The following UTP14A variants were observed in gnomAD, a reference collection of about 807,000 sequenced individuals.
The protein encoded by UTP14A is UTP14A small subunit processome component.
A neutral mutation model predicts 57.2 loss-of-function variants in UTP14A; 5 were observed. That is an observed-to-expected ratio of 0.09 (90% CI 0.05 to 0.18). The LOEUF (loss-of-function observed/expected upper bound fraction) is 0.18. UTP14A is among the 10% of genes least tolerant of loss of function. The pLI, the probability that UTP14A is intolerant of heterozygous loss-of-function variation, is 1.00. For missense variants in UTP14A, 430 were observed against 562.1 expected (o/e 0.76, Z 2.38); for synonymous variants, 169 against 210.9 (o/e 0.80, Z 1.72).
intron 14 of UTP14A, among the ~76,000 whole-genome samples, chrX:129,926,884 T>C (rs2124224281): frequency 8.9e-6 from 1 of 112,128 alleles, no homozygotes; most frequent in South Asian, 3.7e-4. Context: ...AGCCAGTATA[T>C]TGAAATGAGT....
chrX:129,919,389 T>C lies in UTP14A; in HGVS notation c.658-6T>C. On this transcript the variant is annotated splice_polypyrimidine_tract_variant and splice_region_variant and intron_variant, in intron 7 of 14. Coordinates refer to ENST00000394422, the MANE Select transcript of UTP14A (RefSeq NM_006649.4). ...CAGGTGTCACTGTAAGTCTCATTTG[T>C]TGTAGGCAAAGATGCGACGAGCAGA... The C allele has an allele frequency of 2.5e-6, 3 of 1,211,924 alleles. No individual in the cohort carries two copies. The highest frequency in any genetic ancestry group is 3.3e-6 in the Non-Finnish European group (3 of 895,545).
chrX:129,907,937 CAG>C lies in UTP14A; in HGVS notation c.103-120_103-119del, dbSNP rs1929314587. On this transcript the variant is annotated intron_variant, in intron 2 of 14. Coordinates refer to ENST00000394422, the MANE Select transcript of UTP14A (RefSeq NM_006649.4). ...CACCACTGCACTCCATCCTGGGCAA[CAG>C]AGCGAGACGCCGTCTCAAAAATAAA... 5 of 612,450 alleles carry C rather than the reference CAG, an allele frequency of 8.2e-6. No homozygotes were observed. The Admixed American group carries it at 1.7e-4, about 20-fold the overall frequency. The allele number at this position is 612,450 out of a possible 1,213,427, so 50.5% of individuals were successfully genotyped here.
intron 6 of UTP14A, among the ~76,000 whole-genome samples, chrX:129,914,345 G>C (rs753214196): frequency 9.0e-6 from 1 of 111,575 alleles, no homozygotes; most frequent in South Asian, 3.7e-4. Flanking sequence ...GGGAGGCTGA[G>C]GCAGGTGGAT....
At chrX:129,919,636 C>T in intron 8 of UTP14A, 147 bp downstream of exon 8, 1 of 631,568 alleles carries the variant, frequency 1.6e-6, no homozygotes, top group South Asian at 3.1e-5. Context: ...TTTGTTCCCC[C>T]CAAACCAACC....
At chrX:129,927,123 G>A (rs1035227450) in intron 14 of UTP14A, among the ~76,000 whole-genome samples, 1 of 111,076 alleles carries the variant, frequency 9.0e-6, no homozygotes, top group Non-Finnish European at 1.9e-5. Context: ...CCAGGTGATG[G>A]GTAGAGTATG....
chrX:129,908,643 C>G lies in UTP14A; in HGVS notation c.174-27C>G, dbSNP rs757548026. On this transcript the variant is annotated intron_variant, in intron 3 of 14. Coordinates refer to ENST00000394422, the MANE Select transcript of UTP14A (RefSeq NM_006649.4). ...AAGCCCCCATAAAATTTATTCATTCCTATTATATCGTTTTGCCTAATTTCA... is the reference window on the plus strand; with the variant it reads ...AAGCCCCCATAAAATTTATTCATTCGTATTATATCGTTTTGCCTAATTTCA... 10 of 1,198,510 alleles carry G rather than the reference C, an allele frequency of 8.3e-6. No individual in the cohort carries two copies. The Admixed American group carries it at 2.0e-4, about 23-fold the overall frequency.
chrX:129,921,628 G>C, intron 11 of UTP14A, 41 bp downstream of exon 11: 1 of 1,173,053 alleles, frequency 8.5e-7, no homozygotes, highest in South Asian at 2.0e-5. Context: ...TCCTAGTGCT[G>C]TGGACAGACT....
intron 8 of UTP14A, 141 bp from the exon 9 acceptor site, chrX:129,920,316 A>T (rs1929859837): frequency 1.2e-6 from 1 of 858,445 alleles, no homozygotes; most frequent in East Asian, 3.1e-5. Context: ...CAGGTCCCAA[A>T]CTGACTCCCT....
chrX:129,928,113 G>T (rs1930170555), intron 14 of UTP14A, among the ~76,000 whole-genome samples: 1 of 109,620 alleles, frequency 9.1e-6, no homozygotes. Flanking sequence ...GGGCATGGTG[G>T]TTCACACCTG....
intron 14 of UTP14A, among the ~76,000 whole-genome samples, chrX:129,927,333 G>C (rs1930142543): frequency 9.0e-6 from 1 of 111,563 alleles, no homozygotes; most frequent in African/African-American, 3.3e-5. Flanking sequence ...CTTTGTCCAG[G>C]TGTTCTCTTT....
intron 3 of UTP14A, chrX:129,908,383 C>T: frequency 2.5e-6 from 1 of 407,930 alleles, no homozygotes; most frequent in Non-Finnish European, 4.2e-6. Context: ...AATAAATTTA[C>T]TTACCCCCAA....
At position 129,928,483 on chromosome X, in the gene UTP14A, C is replaced by T. The variant is rs371460327; in HGVS notation, c.2044-853C>T. The stretch of plus-strand genomic sequence containing the variant: ...TTAAAACATCAATCCTGGCCAGGCG[C>T]GGTGGCTCACGCCTGTAATCCCAGC... On this transcript the variant is annotated intron_variant, in intron 14 of 14. Transcript: ENST00000394422. Among the ~76,000 whole-genome samples the T allele has an allele frequency of 7.3e-4, 74 of 101,843 alleles. No individual in the cohort carries two copies. The East Asian group carries it at 0.021, about 29-fold the overall frequency. The allele number at this position is 101,843 out of a possible 115,157, so 88.4% of individuals were successfully genotyped here.
intron 4 of UTP14A, 86 bp from the exon 5 acceptor site, chrX:129,910,922 G>C: frequency 2.7e-6 from 3 of 1,113,287 alleles, no homozygotes; most frequent in Non-Finnish European, 2.4e-6. Context: ...CCATCTACTG[G>C]CATTTTCTAC....
intron 6 of UTP14A, among the ~76,000 whole-genome samples, chrX:129,915,210 G>A (rs927235773): frequency 9.3e-5 from 10 of 107,972 alleles, no homozygotes; most frequent in African/African-American, 3.4e-4. Context: ...GTGAGACTCT[G>A]TCTCAAAAAT....
chrX:129,920,346 A>G, intron 8 of UTP14A, 111 bp from the exon 9 acceptor site: 1 of 1,073,427 alleles, frequency 9.3e-7, no homozygotes, highest in Non-Finnish European at 1.3e-6. Context: ...TAGCTCTATG[A>G]TGCCCATTCC....
chrX:129,909,874 A>G lies in UTP14A; in HGVS notation c.239-1134A>G, dbSNP rs111244642. Among the ~76,000 whole-genome samples, 761 of 112,251 alleles carry G rather than the reference A, an allele frequency of 6.8e-3. 7 individuals carry two copies. The highest frequency in any genetic ancestry group is 0.049 in the East Asian group (175 of 3,580). On this transcript the variant is annotated intron_variant, in intron 4 of 14. Coordinates refer to ENST00000394422, the MANE Select transcript of UTP14A (RefSeq NM_006649.4). ...CTAGGGCAAATAACAATGTATTCCA[A>G]GCGTACTTATTCAGTGGATATTTAT...
In UTP14A at chrX:129,926,491, AT is replaced by A. The variant is rs1265695854; in HGVS notation, c.2043+153del. The A allele has an allele frequency of 3.0e-4, 158 of 519,428 alleles. No homozygotes were observed. In the East Asian group the frequency reaches 5.7e-3, roughly 19 times the overall value. 42.8% of individuals were successfully genotyped at this position (519,428 alleles called of 1,213,427 possible). A position where few individuals can be genotyped will look rare whatever the true frequency, so the allele number is the denominator to read the frequency against. On this transcript the variant is annotated intron_variant, in intron 14 of 14. Coordinates refer to ENST00000394422, the MANE Select transcript of UTP14A (RefSeq NM_006649.4). The stretch of plus-strand genomic sequence containing the variant: ...TTTTCACTGAATGGCTGTTAGATTT[AT>A]CATTTCAGATAGACTACGCTGTTTT...
rs1407007125 is a variant in UTP14A, at chrX:129,920,599, C to T, written c.876+19C>T. The T allele has an allele frequency of 8.3e-7, 1 of 1,204,717 alleles. No homozygotes were observed. The highest frequency in any genetic ancestry group is 1.8e-5 in the African/African-American group (1 of 56,650). On this transcript the variant is annotated intron_variant, in intron 9 of 14. Transcript: ENST00000394422. ...AATGATGGTGAGACTACCTCTTGCC[C>T]CACCCCCACCCCTTTGAACCAGCTT... is the stretch of plus-strand genomic sequence containing the variant.
In UTP14A at chrX:129,907,875, G is replaced by A. The variant is rs1929311030; in HGVS notation, c.103-185G>A. On this transcript the variant is annotated intron_variant, in intron 2 of 14. Transcript: ENST00000394422. ...GGAGGCTGAGGCAGGAGAATGGCAT[G>A]AACCTGGGAGGCGGAGCTTGCAGTG... 4.5e-5 allele frequency among the ~76,000 whole-genome samples: 5 copies of A among 111,900 alleles called. No homozygotes were observed. The Admixed American group carries it at 4.8e-4, about 11-fold the overall frequency.
Sources: allele counts gnomAD v4.1 joint callset (sites outside exome capture counted in the v4.1 genomes callset), GRCh38; gene constraint gnomAD v4.1.1; transcripts MANE v1.5; gene names NCBI Gene and HGNC (gene_info 2026-07-23, HGNC 2026-07-21).